DLGAP1: variants seen among roughly 807,000 people sequenced by gnomAD.
DLGAP1 encodes the protein DLG associated protein 1.
Under a neutral mutation model 90.8 loss-of-function variants are expected in DLGAP1, and 11 were observed. That is an observed-to-expected ratio of 0.12 (90% CI 0.08 to 0.20). DLGAP1 has a LOEUF of 0.20. Among genes scored for constraint, DLGAP1 ranks in the 10% least tolerant of loss-of-function variants. The pLI is 1.00. For missense variants in DLGAP1, 1,050 were observed against 1,333.8 expected, an observed-to-expected ratio of 0.79 and a Z score of 3.31; for synonymous variants, 558 against 540.7, an observed-to-expected ratio of 1.03 and a Z score of -0.44.
At chr18:4,349,489 G>C (rs933973940) in intron 1 of DLGAP1, among the ~76,000 whole-genome samples, 4 of 152,128 alleles carry the variant, frequency 2.6e-5, no homozygotes, top group Admixed American at 6.6e-5. Context: ...GTGGCTACAA[G>C]GATCTGGGGA....
intron 1 of DLGAP1, among the ~76,000 whole-genome samples, chr18:4,159,892 G>A (rs1023945006): frequency 3.9e-5 from 6 of 151,932 alleles, no homozygotes; most frequent in Non-Finnish European, 8.8e-5. Context: ...ATCTCAGTCC[G>A]CCTGTGGAAG....
Position 3,818,656 on chromosome 18 carries a change from C to T in DLGAP1, c.958-4383G>A, listed in dbSNP as rs147836113. Among the ~76,000 whole-genome samples the T allele has an allele frequency of 3.3e-3, 505 of 151,514 alleles. 2 individuals are homozygous for T. The highest frequency in any genetic ancestry group is 5.8e-3 in the Non-Finnish European group (391 of 67,882). On this transcript the variant is annotated intron_variant, in intron 4 of 12. Transcript: ENST00000315677. Reference sequence around the variant, plus strand: ...TCGCTCTGTCACCAAGACTGGAGTGCAGTGGCACGATCTTAGCTCACTGCA... The same window carrying T: ...TCGCTCTGTCACCAAGACTGGAGTGTAGTGGCACGATCTTAGCTCACTGCA...
At chr18:4,099,345 A>ATCTG (rs147140169) in intron 2 of DLGAP1, among the ~76,000 whole-genome samples, 1,960 of 72,944 alleles carry the variant, frequency 0.027, 22 homozygotes, top group African/African-American at 0.041. Flanking sequence ...CTATCTATCT[A>ATCTG]TCTGTCTGTC....
intron 2 of DLGAP1, among the ~76,000 whole-genome samples, chr18:4,143,649 C>G (rs1486123768): frequency 6.6e-6 from 1 of 151,998 alleles, no homozygotes; most frequent in Non-Finnish European, 1.5e-5. Flanking sequence ...ACAAAGTCCA[C>G]TTTACTTTCC....
intron 5 of DLGAP1, among the ~76,000 whole-genome samples, chr18:3,806,392 C>CGT (rs1250192309): frequency 6.6e-6 from 1 of 152,056 alleles, no homozygotes; most frequent in Admixed American, 6.6e-5. Flanking sequence ...TTCTTAGACT[C>CGT]GTGTGTGTGT....
intron 2 of DLGAP1, among the ~76,000 whole-genome samples, chr18:4,105,665 G>A (rs1031456469): frequency 6.6e-6 from 1 of 152,174 alleles, no homozygotes; most frequent in Admixed American, 6.5e-5. Flanking sequence ...ATTTAAATGC[G>A]ATCTATTTCT....
intron 4 of DLGAP1, among the ~76,000 whole-genome samples, chr18:3,815,413 G>A (rs529176746): frequency 1.1e-4 from 17 of 151,974 alleles, no homozygotes; most frequent in East Asian, 9.7e-4. Context: ...CTGCACACCC[G>A]TGCACACACA....
intron 4 of DLGAP1, among the ~76,000 whole-genome samples, chr18:3,817,712 C>T (rs372285183): frequency 6.6e-6 from 1 of 152,146 alleles, no homozygotes; most frequent in African/African-American, 2.4e-5. Context: ...GATAAGCATA[C>T]CAGGCCCAAA....
intron 7 of DLGAP1, among the ~76,000 whole-genome samples, chr18:3,599,263 A>G (rs1004671631): frequency 1.3e-4 from 20 of 152,202 alleles, no homozygotes; most frequent in African/African-American, 4.8e-4. Flanking sequence ...CTATAGTCTC[A>G]TTAAATTAAA....
In DLGAP1 at chr18:3,742,363, T is replaced by C; in HGVS notation, c.1322A>G (p.Tyr441Cys). The C allele has an allele frequency of 6.2e-7, 1 of 1,614,050 alleles. No homozygotes were observed. The highest frequency in any genetic ancestry group is 8.5e-7 in the Non-Finnish European group (1 of 1,179,976). Residue 441 changes from tyrosine (Y) to cysteine (C), a missense_variant, in exon 6 of 13, where the codon TAC (tyrosine) becomes TGC (cysteine). Tyr to Cys is a radical substitution (Grantham distance 194, BLOSUM62 -2). This residue lies in a region of DLGAP1 where 565 missense variants were observed against 879.7 expected (regional missense o/e 0.64). Coordinates refer to ENST00000315677, the MANE Select transcript of DLGAP1 (RefSeq NM_004746.4). ...GCTGATGGTGCTCATGGCTCGCATG[T>C]AGCTCTCATTCCTGGAGCGGAACTT... ...SPKFRSRNES[Y>C]MRAMSTISQV...
chr18:4,046,115 A>T (rs1397809334), intron 2 of DLGAP1, among the ~76,000 whole-genome samples: 1 of 152,216 alleles, frequency 6.6e-6, no homozygotes. Flanking sequence ...CCTGCCAATT[A>T]TACAAAGGGG....
At chr18:4,223,927 C>T (rs1044659142) in intron 1 of DLGAP1, among the ~76,000 whole-genome samples, 2 of 152,188 alleles carry the variant, frequency 1.3e-5, no homozygotes, top group East Asian at 1.9e-4. Flanking sequence ...AACCTCATGA[C>T]ATTTTTATAT....
chr18:3,868,774 C>T (rs1275903565), intron 4 of DLGAP1, among the ~76,000 whole-genome samples: 6 of 152,108 alleles, frequency 3.9e-5, no homozygotes, highest in Admixed American at 2.6e-4. Flanking sequence ...TTTGAACTTC[C>T]GATGGTTCTG....
At chr18:4,129,288 A>G (rs188463444) in intron 2 of DLGAP1, among the ~76,000 whole-genome samples, 128 of 152,312 alleles carry the variant, frequency 8.4e-4, no homozygotes, top group African/African-American at 3.0e-3. Flanking sequence ...AGAAACCCAT[A>G]AGGAGCTTCC....
intron 7 of DLGAP1, among the ~76,000 whole-genome samples, chr18:3,645,084 C>G (rs1042723564): frequency 8.6e-5 from 13 of 151,838 alleles, no homozygotes; most frequent in African/African-American, 3.1e-4. Context: ...TGCATTTTTC[C>G]CTCGTATTTT....
chr18:3,803,615 A>T (rs2066417353), intron 5 of DLGAP1, among the ~76,000 whole-genome samples: 1 of 152,100 alleles, frequency 6.6e-6, no homozygotes, highest in South Asian at 2.1e-4. Context: ...CAATGTACAG[A>T]TGGTGGAAAC....
chr18:4,063,792 G>A lies in DLGAP1; in HGVS notation c.-158-58591C>T, dbSNP rs184188299. 1.4e-3 allele frequency among the ~76,000 whole-genome samples: 208 copies of A among 152,194 alleles called. 2 individuals are homozygous for A. In the South Asian group the frequency reaches 0.025, roughly 18 times the overall value. On this transcript the variant is annotated intron_variant, in intron 2 of 12. Coordinates refer to ENST00000315677, the MANE Select transcript of DLGAP1 (RefSeq NM_004746.4). ...ATTTACCTGTTTCTGGCCAGGCTCT[G>A]AGGCTGCATTCTTTACATGGTCTCA...
chr18:4,192,320 T>C (rs916891192), intron 1 of DLGAP1, among the ~76,000 whole-genome samples: 1 of 152,184 alleles, frequency 6.6e-6, no homozygotes, highest in Non-Finnish European at 1.5e-5. Flanking sequence ...GATAGAACAA[T>C]GATGGCTTGT....
At chr18:4,412,956 G>C (rs1011932590) in intron 1 of DLGAP1, among the ~76,000 whole-genome samples, 4 of 152,194 alleles carry the variant, frequency 2.6e-5, no homozygotes, top group African/African-American at 7.2e-5. Context: ...GCAGATCGGA[G>C]GGGATGCTAT....
Sources: allele counts gnomAD v4.1 joint callset (sites outside exome capture counted in the v4.1 genomes callset), GRCh38; gene constraint gnomAD v4.1.1; regional missense constraint gnomAD v4.1.1; transcripts MANE v1.5; gene names NCBI Gene and HGNC (gene_info 2026-07-23, HGNC 2026-07-21).